The following RIMS2 variants were observed in gnomAD, a reference collection of about 807,000 sequenced individuals.
RIMS2 encodes regulating synaptic membrane exocytosis 2, also known as regulating synaptic membrane exocytosis protein 2.
A neutral mutation model predicts 174.4 loss-of-function variants in RIMS2; 59 were observed. The observed-to-expected ratio is 0.34, with a 90% CI of 0.27 to 0.42. The LOEUF is 0.42. Among genes scored for constraint, RIMS2 ranks in the 10% least tolerant of loss-of-function variants. RIMS2 has a pLI of 1.00. For synonymous variants in RIMS2, 606 were observed against 572.5 expected (o/e 1.06, Z -0.84); for missense variants, 1,620 against 1,666.3 (o/e 0.97, Z 0.48).
chr8:103,522,322 T>C (rs1832112146), intron 1 of RIMS2, among the ~76,000 whole-genome samples: 1 of 152,132 alleles, frequency 6.6e-6, no homozygotes, highest in African/African-American at 2.4e-5. Flanking sequence ...ATTTTTTTTC[T>C]TAAGATCATA....
chr8:103,623,679 C>T (rs546115257), intron 1 of RIMS2, among the ~76,000 whole-genome samples: 2 of 151,502 alleles, frequency 1.3e-5, no homozygotes, highest in African/African-American at 2.4e-5. Context: ...TTAGTAGAGA[C>T]GGGGTTTCAC....
intron 19 of RIMS2, among the ~76,000 whole-genome samples, chr8:104,083,541 G>T (rs993942000): frequency 2.0e-5 from 3 of 152,114 alleles, no homozygotes. Context: ...TGGTCACAAA[G>T]GGCCATGTGC....
chr8:104,228,281 A>G (rs368117838), intron 19 of RIMS2, among the ~76,000 whole-genome samples: 5 of 151,072 alleles, frequency 3.3e-5, no homozygotes, highest in East Asian at 1.9e-4. Flanking sequence ...GCCCGCCTCG[A>G]CCTCCCAAAG....
intron 1 of RIMS2, among the ~76,000 whole-genome samples, chr8:103,541,611 G>T (rs961342924): frequency 6.6e-6 from 1 of 152,174 alleles, no homozygotes; most frequent in Non-Finnish European, 1.5e-5. Context: ...ACATATTAAA[G>T]TATAAAACTC....
intron 2 of RIMS2, among the ~76,000 whole-genome samples, chr8:103,733,185 G>A (rs1288877230): frequency 6.6e-6 from 1 of 152,038 alleles, no homozygotes; most frequent in East Asian, 1.9e-4. Flanking sequence ...AAGGCAGCGG[G>A]TTCTCTTCTT....
At chr8:103,876,887 T>TATATATAG in intron 3 of RIMS2, among the ~76,000 whole-genome samples, 1 of 51,566 alleles carries the variant, frequency 1.9e-5, no homozygotes, top group African/African-American at 5.8e-5. Flanking sequence ...TATATATATA[T>TATATATAG]ATATATATAT....
chr8:104,148,756 G>A, intron 19 of RIMS2: 2 of 1,598,368 alleles, frequency 1.3e-6, no homozygotes, highest in South Asian at 2.2e-5. Flanking sequence ...GGCACCAGTG[G>A]CAAAAAGCGG....
At chr8:103,565,986 G>A (rs1360700038) in intron 1 of RIMS2, among the ~76,000 whole-genome samples, 5 of 152,160 alleles carry the variant, frequency 3.3e-5, no homozygotes, top group African/African-American at 9.7e-5. Context: ...CAAATTAAGA[G>A]GCAGAATGAT....
At chr8:104,218,293 T>A (rs1017661305) in intron 19 of RIMS2, among the ~76,000 whole-genome samples, 1 of 152,226 alleles carries the variant, frequency 6.6e-6, no homozygotes, top group Non-Finnish European at 1.5e-5. Flanking sequence ...TGAGCCTTAC[T>A]GCTTTTTTTT....
intron 2 of RIMS2, among the ~76,000 whole-genome samples, chr8:103,715,440 C>T (rs977439942): frequency 3.3e-5 from 5 of 152,034 alleles, no homozygotes; most frequent in African/African-American, 7.2e-5. Flanking sequence ...TAGGACTTTG[C>T]GATTGTCTTT....
rs1312328845 is a variant in RIMS2, at chr8:103,749,247, G to T, written c.388-16980G>T. Among the ~76,000 whole-genome samples the T allele has an allele frequency of 2.0e-5, 3 of 151,946 alleles. No individual in the cohort carries two copies. In the East Asian group the frequency reaches 5.8e-4, roughly 29 times the overall value. On this transcript the variant is annotated intron_variant, in intron 2 of 23. Transcript: ENST00000504942. ...CTCCCTCAGCCTTCCGAGTAGCTGG[G>T]ACTACAGGCATCCGCCAGCACGCCC... is the stretch of plus-strand genomic sequence containing the variant.
At chr8:103,663,938 G>A (rs2096635447) in intron 1 of RIMS2, among the ~76,000 whole-genome samples, 1 of 152,240 alleles carries the variant, frequency 6.6e-6, no homozygotes, top group South Asian at 2.1e-4. Flanking sequence ...AAACAGTTAT[G>A]TAGACCAATG....
At chr8:103,613,313 G>A (rs1164316693) in intron 1 of RIMS2, among the ~76,000 whole-genome samples, 1 of 152,174 alleles carries the variant, frequency 6.6e-6, no homozygotes, top group Non-Finnish European at 1.5e-5. Context: ...GTCTATCCCT[G>A]TGGGCACACT....
At chr8:103,746,910 G>T (rs1441106815) in intron 2 of RIMS2, among the ~76,000 whole-genome samples, 1 of 151,940 alleles carries the variant, frequency 6.6e-6, no homozygotes, top group African/African-American at 2.4e-5. Context: ...TCGATGTCCT[G>T]ACCTTGTGAT....
intron 19 of RIMS2, among the ~76,000 whole-genome samples, chr8:104,175,348 G>A (rs2098877873): frequency 6.6e-6 from 1 of 151,404 alleles, no homozygotes. Flanking sequence ...ATATTTGTGG[G>A]GTACTCGAGG....
chr8:104,030,257 G>C (rs535916679), intron 19 of RIMS2, among the ~76,000 whole-genome samples: 2 of 152,162 alleles, frequency 1.3e-5, no homozygotes, highest in Admixed American at 1.3e-4. Context: ...AAGCTGAAGC[G>C]GGAGGATAAC....
chr8:104,006,534 G>A (rs1309650973), intron 17 of RIMS2, among the ~76,000 whole-genome samples: 3 of 151,832 alleles, frequency 2.0e-5, no homozygotes, highest in Non-Finnish European at 4.4e-5. Flanking sequence ...TGGGCAACAA[G>A]AGCAAAACTC....
chr8:103,988,980 T>A (rs1485710912), intron 16 of RIMS2, among the ~76,000 whole-genome samples: 1 of 152,138 alleles, frequency 6.6e-6, no homozygotes, highest in African/African-American at 2.4e-5. Flanking sequence ...TCCTCTTGAG[T>A]ATATTATTGA....
chr8:103,597,812 T>C (rs1383804395), intron 1 of RIMS2, among the ~76,000 whole-genome samples: 6 of 152,138 alleles, frequency 3.9e-5, no homozygotes, highest in Admixed American at 6.6e-5. Context: ...CATCTGTATA[T>C]AATAGTGTTT....
Sources: gnomAD v4.1 joint callset for allele counts (sites outside exome capture counted in the v4.1 genomes callset) on GRCh38, gnomAD v4.1.1 for gene constraint, MANE v1.5 for transcripts, NCBI Gene and HGNC (gene_info 2026-07-23, HGNC 2026-07-21) for gene names.